Variants in FRMD3 observed in about 807,000 individuals in gnomAD.
The protein encoded by FRMD3 is FERM domain-containing protein 3.
A neutral mutation model predicts 70.2 loss-of-function variants in FRMD3; 33 were observed. The ratio of observed to expected loss-of-function variants is 0.47; its 90% CI spans 0.36 to 0.63. The LOEUF is 0.63. Among genes scored for constraint, FRMD3 ranks in the 20% least tolerant of loss-of-function variants. The pLI is 0.00. For missense variants in FRMD3, 632 were observed against 711.4 expected, an observed-to-expected ratio of 0.89 and a Z score of 1.27; for synonymous variants, 279 against 255.9, an observed-to-expected ratio of 1.09 and a Z score of -0.86.
Position 83,334,981 on chromosome 9 carries a change from G to A in FRMD3, c.596+535C>T, listed in dbSNP as rs151035708. Among the ~76,000 whole-genome samples the A allele has an allele frequency of 3.5e-3, 529 of 152,326 alleles. 4 individuals are homozygous for A. Among genetic ancestry groups the A allele is most frequent in the African/African-American group, 0.012 (512 of 41,578 alleles). ...AAGTGCTTAGAACAGTGTTAGGAAC[G>A]TGGTGAATGCTCTATGCAATTTTGC... On this transcript the variant is annotated intron_variant, in intron 6 of 13. Coordinates refer to ENST00000304195, the MANE Select transcript of FRMD3 (RefSeq NM_174938.6).
rs1463844663 is a variant in FRMD3, at chr9:83,293,501, T to C, written c.1071-2774A>G. The stretch of plus-strand genomic sequence containing the variant: ...TTATGCTACAACGATGGGCCCTCGG[T>C]GAGCCTTTATGAGCTTATTTTGCTC... On this transcript the variant is annotated intron_variant, in intron 12 of 13. Coordinates refer to ENST00000304195, the MANE Select transcript of FRMD3 (RefSeq NM_174938.6). 2.0e-5 allele frequency among the ~76,000 whole-genome samples: 3 copies of C among 152,190 alleles called. No homozygotes were observed. In the East Asian group the frequency reaches 5.8e-4, roughly 29 times the overall value.
intron 1 of FRMD3, among the ~76,000 whole-genome samples, chr9:83,453,340 C>T (rs906222083): frequency 6.6e-6 from 1 of 152,044 alleles, no homozygotes; most frequent in Non-Finnish European, 1.5e-5. Context: ...TCCTCAAAAG[C>T]ATACTGACAA....
chr9:83,344,214 A>C (rs1475346137), intron 4 of FRMD3, among the ~76,000 whole-genome samples: 3 of 152,220 alleles, frequency 2.0e-5, no homozygotes, highest in African/African-American at 7.2e-5. Context: ...GTTTCTGAGC[A>C]GAGTAACTTT....
chr9:83,456,283 G>T (rs778177482), intron 1 of FRMD3, among the ~76,000 whole-genome samples: 32 of 152,140 alleles, frequency 2.1e-4, no homozygotes, highest in Non-Finnish European at 4.3e-4. Flanking sequence ...CCATTGTATA[G>T]GTGTGCCATG....
intron 1 of FRMD3, among the ~76,000 whole-genome samples, chr9:83,479,844 C>A (rs1168823634): frequency 5.3e-5 from 8 of 150,576 alleles, no homozygotes; most frequent in Non-Finnish European, 7.4e-5. Flanking sequence ...AAATGAAAAG[C>A]TAATCGCAAT....
chr9:83,415,809 T>G (rs1023300145), intron 1 of FRMD3, among the ~76,000 whole-genome samples: 1 of 151,960 alleles, frequency 6.6e-6, no homozygotes, highest in Admixed American at 6.5e-5. Context: ...ATATGTAATT[T>G]GTGAAGCAGA....
At chr9:83,514,518 G>A (rs1335289515) in intron 1 of FRMD3, among the ~76,000 whole-genome samples, 1 of 152,196 alleles carries the variant, frequency 6.6e-6, no homozygotes, top group Non-Finnish European at 1.5e-5. Context: ...CCTGGGGAAG[G>A]GGTGGTTGTG....
chr9:83,298,066 C>A (rs1587693707), intron 12 of FRMD3, among the ~76,000 whole-genome samples: 1 of 152,062 alleles, frequency 6.6e-6, no homozygotes, highest in African/African-American at 2.4e-5. Flanking sequence ...AGGGCAGGTG[C>A]AAACCAGTGT....
chr9:83,430,114 A>G (rs1213823786), intron 1 of FRMD3, among the ~76,000 whole-genome samples: 1 of 152,166 alleles, frequency 6.6e-6, no homozygotes. Flanking sequence ...CTTTCTGATC[A>G]TACCTTATCC....
the FRMD3 span, among the ~76,000 whole-genome samples, chr9:83,566,483 A>T: frequency 1.3e-5 from 2 of 152,154 alleles, no homozygotes; most frequent in African/African-American, 4.8e-5. Flanking sequence ...AGTCCCCCAA[A>T]GTCTTAACTC....
At chr9:83,515,905 A>G (rs1829444065) in intron 1 of FRMD3, among the ~76,000 whole-genome samples, 1 of 152,228 alleles carries the variant, frequency 6.6e-6, no homozygotes, top group Non-Finnish European at 1.5e-5. Context: ...AATCCTTTAC[A>G]GGCAAGCAAA....
At chr9:83,533,144 G>C (rs1042458221) in intron 1 of FRMD3, among the ~76,000 whole-genome samples, 5 of 152,186 alleles carry the variant, frequency 3.3e-5, no homozygotes, top group African/African-American at 1.2e-4. Flanking sequence ...AAGAGGCAGT[G>C]CTCCAGAGAT....
At chr9:83,300,859 T>C (rs1391423287) in intron 10 of FRMD3, among the ~76,000 whole-genome samples, 1 of 152,210 alleles carries the variant, frequency 6.6e-6, no homozygotes, top group African/African-American at 2.4e-5. Flanking sequence ...AGAATCCAAT[T>C]TCCCAGGACC....
At chr9:83,379,919 C>G (rs1481608442) in intron 2 of FRMD3, among the ~76,000 whole-genome samples, 1 of 152,172 alleles carries the variant, frequency 6.6e-6, no homozygotes, top group African/African-American at 2.4e-5. Context: ...CTCTACATGA[C>G]TTTGCCCAGC....
chr9:83,363,644 C>T (rs888470890), intron 3 of FRMD3, among the ~76,000 whole-genome samples: 2 of 151,702 alleles, frequency 1.3e-5, no homozygotes, highest in Non-Finnish European at 2.9e-5. Context: ...GGCTCCGCCC[C>T]CCGGGGTTCA....
chr9:83,310,138 T>A (rs901007708), intron 9 of FRMD3, among the ~76,000 whole-genome samples: 7 of 152,230 alleles, frequency 4.6e-5, no homozygotes, highest in African/African-American at 1.7e-4. Flanking sequence ...TAATGAGCAC[T>A]GGTTGTTGAA....
chr9:83,261,817 CT>C (rs1228350494), intron 13 of FRMD3, among the ~76,000 whole-genome samples: 1 of 152,170 alleles, frequency 6.6e-6, no homozygotes, highest in African/African-American at 2.4e-5. Context: ...AGTCACCTTT[CT>C]GGGTTCGAAT....
intron 1 of FRMD3, among the ~76,000 whole-genome samples, chr9:83,509,804 C>A (rs1368953713): frequency 1.3e-5 from 2 of 152,092 alleles, no homozygotes; most frequent in Non-Finnish European, 2.9e-5. Flanking sequence ...CACACACACA[C>A]ACAGTTCCAA....
At chr9:83,315,196 C>T (rs1261328957) in intron 6 of FRMD3, among the ~76,000 whole-genome samples, 1 of 152,066 alleles carries the variant, frequency 6.6e-6, no homozygotes, top group Non-Finnish European at 1.5e-5. Flanking sequence ...AAGGTCCAAT[C>T]TTGTTGGCTG....
Sources: allele counts gnomAD v4.1 joint callset (sites outside exome capture counted in the v4.1 genomes callset), GRCh38; gene constraint gnomAD v4.1.1; transcripts MANE v1.5; gene names NCBI Gene and HGNC (gene_info 2026-07-23, HGNC 2026-07-21).